ARK2N: variants seen among roughly 807,000 people sequenced by gnomAD.
ARK2N encodes arkadia (RNF111) N-terminal like PKA signaling regulator 2N, also known as protein ARK2N.
At chr18:46,188,102 A>G in the ARK2N span, among the ~76,000 whole-genome samples, 1 of 152,192 alleles carries the variant, frequency 6.6e-6, no homozygotes, top group Non-Finnish European at 1.5e-5. Flanking sequence ...TTTGAAGGGC[A>G]CATACTGTTT....
At chr18:46,189,212 CAAAAAAAAAAAA>C in the ARK2N span, among the ~76,000 whole-genome samples, 1 of 86,906 alleles carries the variant, frequency 1.2e-5, no homozygotes, top group Admixed American at 1.3e-4. Context: ...GAGACTGTCT[CAAAAAAAAAAAA>C]AAAAAAAAAA....
the ARK2N span, among the ~76,000 whole-genome samples, chr18:46,258,770 T>TA: frequency 0.01 from 1,551 of 152,280 alleles, 34 homozygotes; most frequent in African/African-American, 0.036. Flanking sequence ...TCTTTCATGA[T>TA]ACAGAAAAAG....
the ARK2N span, among the ~76,000 whole-genome samples, chr18:46,195,456 C>T: frequency 6.6e-6 from 1 of 151,300 alleles, no homozygotes; most frequent in Non-Finnish European, 1.5e-5. Flanking sequence ...ATGATGTTAC[C>T]CAGGCTGGTC....
the ARK2N span, among the ~76,000 whole-genome samples, chr18:46,227,401 A>G: frequency 6.6e-6 from 1 of 151,830 alleles, no homozygotes; most frequent in African/African-American, 2.4e-5. Context: ...ACTGAACCAC[A>G]TTTTTTCCTT....
At chr18:46,204,803 A>G in the ARK2N span, among the ~76,000 whole-genome samples, 1 of 152,118 alleles carries the variant, frequency 6.6e-6, no homozygotes. Context: ...ACTGAAAAGG[A>G]AAAGGGCCTG....
At chr18:46,225,007 A>C in the ARK2N span, among the ~76,000 whole-genome samples, 1 of 152,240 alleles carries the variant, frequency 6.6e-6, no homozygotes, top group Admixed American at 6.5e-5. Flanking sequence ...ACTGTGTGAT[A>C]GGAACTGCAC....
At chr18:46,216,048 C>T in the ARK2N span, 1 of 1,614,036 alleles carries the variant, frequency 6.2e-7, no homozygotes, top group Non-Finnish European at 8.5e-7. The surrounding 1 kb of genome is among the most constrained non-coding windows in gnomAD (Gnocchi z 4.3). Context: ...CTTCAATGCC[C>T]TGCTTGTTGA....
At chr18:46,239,960 C>A in the ARK2N span, 1 of 1,567,730 alleles carries the variant, frequency 6.4e-7, no homozygotes, top group South Asian at 1.1e-5. Context: ...AAGTATTTTT[C>A]ACCCCACACG....
At chr18:46,178,229 C>T in the ARK2N span, among the ~76,000 whole-genome samples, 1 of 152,168 alleles carries the variant, frequency 6.6e-6, no homozygotes, top group Non-Finnish European at 1.5e-5. Context: ...TATTAGTCCG[C>T]TAATGGGTTG....
the ARK2N span, among the ~76,000 whole-genome samples, chr18:46,226,675 G>A: frequency 3.3e-5 from 5 of 152,110 alleles, no homozygotes; most frequent in Admixed American, 3.3e-4. Flanking sequence ...GTAAATGCTG[G>A]CATTTTATCT....
the ARK2N span, among the ~76,000 whole-genome samples, chr18:46,186,819 T>C: frequency 6.6e-6 from 1 of 150,908 alleles, no homozygotes; most frequent in Non-Finnish European, 1.5e-5. Flanking sequence ...AATTTTGTTT[T>C]TTTAACCTTA....
chr18:46,194,676 A>G, the ARK2N span, among the ~76,000 whole-genome samples: 1 of 147,794 alleles, frequency 6.8e-6, no homozygotes, highest in African/African-American at 2.5e-5. Flanking sequence ...GGGTTCCACC[A>G]TGTTGACCAG....
the ARK2N span, among the ~76,000 whole-genome samples, chr18:46,227,069 A>G: frequency 6.6e-6 from 1 of 152,098 alleles, no homozygotes; most frequent in Non-Finnish European, 1.5e-5. Context: ...TCCACCTCCC[A>G]AAGTGTTGGG....
At chr18:46,201,258 T>C in the ARK2N span, among the ~76,000 whole-genome samples, 800 of 152,300 alleles carry the variant, frequency 5.3e-3, 13 homozygotes, top group African/African-American at 0.018. Flanking sequence ...GTGCTAGGAT[T>C]GCAAACGTGA....
At chr18:46,253,626 A>G in the ARK2N span, 25 of 1,522,788 alleles carry the variant, frequency 1.6e-5, no homozygotes, top group Middle Eastern at 2.0e-4. Flanking sequence ...AAATCTGTCA[A>G]TGAGTTGTTT....
chr18:46,180,680 G>T, the ARK2N span, among the ~76,000 whole-genome samples: 1 of 151,768 alleles, frequency 6.6e-6, no homozygotes, highest in Non-Finnish European at 1.5e-5. Flanking sequence ...TCCAGCCTGG[G>T]CAACAAGAGG....
At chr18:46,179,373 T>G in the ARK2N span, among the ~76,000 whole-genome samples, 1 of 152,234 alleles carries the variant, frequency 6.6e-6, no homozygotes, top group African/African-American at 2.4e-5. Flanking sequence ...TGGTTTTGAG[T>G]TTGACTGTTG....
At chr18:46,230,257 A>G in the ARK2N span, among the ~76,000 whole-genome samples, 4,361 of 152,266 alleles carry the variant, frequency 0.029, 195 homozygotes, top group African/African-American at 0.099. Flanking sequence ...CATTTTTTAC[A>G]TGACTAGTGT....
the ARK2N span, chr18:46,216,692 A>G: frequency 1.8e-6 from 2 of 1,082,710 alleles, no homozygotes; most frequent in Non-Finnish European, 2.6e-6. This position sits in a 1 kb window ranked among gnomAD's most constrained non-coding sequence, Gnocchi z 4.3. Flanking sequence ...AATCCAGGAG[A>G]CCTGCAGCTC....
Sources: gnomAD v4.1 joint callset for allele counts (sites outside exome capture counted in the v4.1 genomes callset) on GRCh38, gnomAD v4.1.1 for gene constraint, Gnocchi (gnomAD v3.1) non-coding constraint, MANE v1.5 for transcripts, NCBI Gene and HGNC (gene_info 2026-07-23, HGNC 2026-07-21) for gene names.